The following HNRNPR variants were observed in gnomAD, a reference collection of about 807,000 sequenced individuals.
The protein encoded by HNRNPR is heterogeneous nuclear ribonucleoprotein R.
Under a neutral mutation model 70.3 loss-of-function variants are expected in HNRNPR, and 4 were observed. The observed-to-expected ratio is 0.06, with a 90% confidence interval of 0.03 to 0.13. HNRNPR has a LOEUF of 0.13. HNRNPR is among the 10% of genes least tolerant of loss of function. HNRNPR has a pLI of 1.00. For synonymous variants in HNRNPR, 241 were observed against 267.6 expected, an observed-to-expected ratio of 0.90 and a Z score of 0.97; for missense variants, 423 against 788.5, an observed-to-expected ratio of 0.54 and a Z score of 5.55.
chr1:23,323,624 C>T lies in HNRNPR; in HGVS notation c.607G>A (p.Gly203Ser), dbSNP rs776825558. The part of the protein sequence containing the change: ...DLRLMMDPLS[G>S]QNRGYAFITF... ...ATAAATGCATACCCTCTATTCTGAC[C>T]GGACAGTGGATCCATCATAAGACGT... The change falls in exon 6 of 11, where the codon GGT (glycine) becomes AGT (serine). Residue 203 changes from glycine to serine, a missense_variant. Gly to Ser is a moderately conservative substitution (Grantham distance 56, BLOSUM62 0). Transcript: ENST00000302271. The T allele has an allele frequency of 6.8e-6, 11 of 1,613,970 alleles. No individual in the cohort carries two copies. The highest frequency in any genetic ancestry group is 1.1e-5 in the South Asian group (1 of 91,086).
At position 23,311,201 on chromosome 1, in the gene HNRNPR, G is replaced by T. The variant is rs180897497; in HGVS notation, c.1289C>A (p.Ala430Glu). The stretch of plus-strand genomic sequence containing the variant: ...TATATCTACTAAAATGTAGACTCAC[G>T]CAGTGCTTCTGGAGGCCTGTCTAGC... ...QAARQASRST[A>E]YEDYYYHPPP... is the part of the protein sequence containing the mutation. The change falls in exon 10 of 11, where the codon GCG becomes GAG. Residue 430 changes from alanine to glutamate, a missense_variant and splice_region_variant. Transcript: ENST00000302271. The T allele has an allele frequency of 6.2e-7, 1 of 1,613,812 alleles. No individual in the cohort carries two copies. The highest frequency in any genetic ancestry group is 8.5e-7 in the Non-Finnish European group (1 of 1,179,956).
At chr1:23,335,498 C>T (rs1252512651) in intron 4 of HNRNPR, among the ~76,000 whole-genome samples, 1 of 152,234 alleles carries the variant, frequency 6.6e-6, no homozygotes, top group Non-Finnish European at 1.5e-5. Context: ...CGCTCCTCAT[C>T]CTCCCTATCA....
chr1:23,338,728 T>A, intron 2 of HNRNPR, 120 bp from the exon 3 acceptor site: 2 of 520,006 alleles, frequency 3.8e-6, no homozygotes, highest in Non-Finnish European at 7.0e-6. Context: ...TATTTTCATT[T>A]AACTATATGC....
At chr1:23,337,701 T>C (rs1000908599) in intron 4 of HNRNPR, 53 bp downstream of exon 4, 59 of 1,044,704 alleles carry the variant, frequency 5.6e-5, no homozygotes, top group Non-Finnish European at 8.0e-5. Context: ...AAAGAGGCAT[T>C]TGACCTCATC....
At chr1:23,311,983 C>T (rs1645353536) in intron 9 of HNRNPR, 1 of 152,258 alleles carries the variant, frequency 6.6e-6, no homozygotes, top group Admixed American at 6.5e-5. Context: ...ATCAAACATT[C>T]CATGTTCTAG....
intron 9 of HNRNPR, among the ~76,000 whole-genome samples, chr1:23,312,515 GA>G (rs1417724605): frequency 1.3e-5 from 2 of 152,162 alleles, no homozygotes; most frequent in African/African-American, 2.4e-5. Context: ...CAAATGAACG[GA>G]TAAGAGTATA....
intron 8 of HNRNPR, among the ~76,000 whole-genome samples, chr1:23,317,316 G>T (rs1354378764): frequency 2.0e-5 from 3 of 152,102 alleles, no homozygotes; most frequent in African/African-American, 7.2e-5. Context: ...AAATTAGCCA[G>T]CTGTGGTGGC....
chr1:23,320,757 TAATA>T (rs1222639148), intron 7 of HNRNPR, among the ~76,000 whole-genome samples: 6 of 152,202 alleles, frequency 3.9e-5, no homozygotes, highest in Admixed American at 2.0e-4. Context: ...AAATCATGTA[TAATA>T]AATAAAAGTA....
chr1:23,305,390 T>C lies in HNRNPR; in HGVS notation c.*5064A>G, dbSNP rs1645188291. On this transcript the variant is annotated 3_prime_UTR_variant, in exon 11 of 11. Coordinates refer to ENST00000302271, the MANE Select transcript of HNRNPR (RefSeq NM_005826.5). ...TAATTTCATTCTAGTGTTGTACAACTAGTCTATAGCAAACTTACAAGTAAG... is the reference window on the plus strand; with the variant it reads ...TAATTTCATTCTAGTGTTGTACAACCAGTCTATAGCAAACTTACAAGTAAG... 6.6e-6 allele frequency: 1 copy of C among 152,196 alleles called. No homozygotes were observed. Among genetic ancestry groups the C allele is most frequent in the South Asian group, 2.1e-4 (1 of 4,832 alleles). 9.4% of individuals were successfully genotyped at this position (152,196 alleles called of 1,614,324 possible). A position where few individuals can be genotyped will look rare whatever the true frequency, so the allele number is the denominator to read the frequency against.
chr1:23,304,915 C>CTAT lies in HNRNPR; in HGVS notation c.*5538_*5539insATA, dbSNP rs1356751133. The CTAT allele has an allele frequency of 6.6e-6, 1 of 152,112 alleles. No homozygotes were observed. Among genetic ancestry groups the CTAT allele is most frequent in the Non-Finnish European group, 1.5e-5 (1 of 68,024 alleles). 9.4% of individuals were successfully genotyped at this position (152,112 alleles called of 1,614,324 possible). A position where few individuals can be genotyped will look rare whatever the true frequency, so the allele number is the denominator to read the frequency against. Reference sequence around the variant, plus strand: ...TCCAATTATAGAAATAGTCTTAGAACATAGTACCTAACATTATAATGGGAT... The same window carrying CTAT: ...TCCAATTATAGAAATAGTCTTAGAACTATATAGTACCTAACATTATAATGGGAT... On this transcript the variant is annotated 3_prime_UTR_variant, in exon 11 of 11. Coordinates refer to ENST00000302271, the MANE Select transcript of HNRNPR (RefSeq NM_005826.5).
chr1:23,325,717 G>A (rs112206618), intron 5 of HNRNPR, among the ~76,000 whole-genome samples: 1 of 152,018 alleles, frequency 6.6e-6, no homozygotes, highest in Non-Finnish European at 1.5e-5. Context: ...ACTGCAAATC[G>A]TTATTCCTTC....
chr1:23,342,443 C>G (rs1646738870), intron 1 of HNRNPR, among the ~76,000 whole-genome samples: 1 of 152,156 alleles, frequency 6.6e-6, no homozygotes, highest in African/African-American at 2.4e-5. Flanking sequence ...CCTTAATAGA[C>G]GCAGACTGTG....
At chr1:23,333,389 T>C in intron 5 of HNRNPR, 129 bp downstream of exon 5, 1 of 581,652 alleles carries the variant, frequency 1.7e-6, no homozygotes. Flanking sequence ...CAAATGGATA[T>C]CTAAAAACTA....
chr1:23,308,643 AAATATC>A lies in HNRNPR; in HGVS notation c.*1805_*1810del, dbSNP rs1186689457. The A allele has an allele frequency of 6.6e-6, 1 of 152,122 alleles. No individual in the cohort carries two copies. Among genetic ancestry groups the A allele is most frequent in the African/African-American group, 2.4e-5 (1 of 41,464 alleles). The allele number at this position is 152,122 out of a possible 1,614,324, so 9.4% of individuals were successfully genotyped here. On this transcript the variant is annotated 3_prime_UTR_variant, in exon 11 of 11. Coordinates refer to ENST00000302271, the MANE Select transcript of HNRNPR (RefSeq NM_005826.5). ...TCCTTTATCAGTTTCCAAAAAACTA[AAATATC>A]AATAAGGTCTGTTAAATGACTATAC...
rs573607357 is a variant in HNRNPR, at chr1:23,308,818, G to T, written c.*1636C>A. 6.6e-6 allele frequency: 1 copy of T among 152,132 alleles called. No individual in the cohort carries two copies. The highest frequency in any genetic ancestry group is 2.1e-4 in the South Asian group (1 of 4,826). 9.4% of individuals were successfully genotyped at this position (152,132 alleles called of 1,614,324 possible). ...ACGGAATTAAGTGGCTTATGATTTTGAAATCTAATATTCCTATCACAAAGA... is the reference window on the plus strand; with the variant it reads ...ACGGAATTAAGTGGCTTATGATTTTTAAATCTAATATTCCTATCACAAAGA... On this transcript the variant is annotated 3_prime_UTR_variant, in exon 11 of 11. Transcript: ENST00000302271.
chr1:23,323,807 T>C (rs879082780), intron 5 of HNRNPR, 75 bp from the exon 6 acceptor site: 1 of 1,200,368 alleles, frequency 8.3e-7, no homozygotes. Context: ...TGCCTTTTTT[T>C]TTTAAAGATG....
chr1:23,340,741 G>A (rs1394056987), intron 2 of HNRNPR, 111 bp downstream of exon 2: 5 of 859,822 alleles, frequency 5.8e-6, no homozygotes, highest in Non-Finnish European at 8.9e-6. Context: ...CAAACATTCA[G>A]CTCTACAGAT....
intron 4 of HNRNPR, among the ~76,000 whole-genome samples, chr1:23,334,438 G>T (rs113887086): frequency 2.0e-5 from 3 of 151,760 alleles, no homozygotes; most frequent in Non-Finnish European, 4.4e-5. Context: ...GGGTTTCACC[G>T]TGTTAGCCAG....
intron 4 of HNRNPR, 120 bp from the exon 5 acceptor site, chr1:23,333,751 T>A (rs1181106124): frequency 3.9e-6 from 2 of 510,582 alleles, no homozygotes; most frequent in Non-Finnish European, 7.0e-6. Context: ...TATGGTTAGG[T>A]AAAAAAAAAA....
Sources: gnomAD v4.1 joint callset for allele counts (sites outside exome capture counted in the v4.1 genomes callset) on GRCh38, gnomAD v4.1.1 for gene constraint, MANE v1.5 for transcripts, NCBI Gene and HGNC (gene_info 2026-07-23, HGNC 2026-07-21) for gene names.